PPP2R5E: variants seen among roughly 807,000 people sequenced by gnomAD.
The protein encoded by PPP2R5E is protein phosphatase 2 regulatory subunit B'epsilon.
Under a neutral mutation model 65.3 loss-of-function variants are expected in PPP2R5E, and 4 were observed. The ratio of observed to expected loss-of-function variants is 0.06; its 90% CI spans 0.03 to 0.14. The LOEUF (loss-of-function observed/expected upper bound fraction) is 0.14. PPP2R5E is among the 10% of genes least tolerant of loss of function. The pLI is 1.00. For missense variants in PPP2R5E, 274 were observed against 556.1 expected, an observed-to-expected ratio of 0.49 and a Z score of 5.10; for synonymous variants, 183 against 187.4, an observed-to-expected ratio of 0.98 and a Z score of 0.19.
intron 2 of PPP2R5E, among the ~76,000 whole-genome samples, chr14:63,522,373 G>A (rs1404617799): frequency 6.6e-6 from 1 of 151,194 alleles, no homozygotes; most frequent in Non-Finnish European, 1.5e-5. Flanking sequence ...CACCCCGTCT[G>A]GGAAGTGAGG....
chr14:63,539,485 A>C lies in PPP2R5E; in HGVS notation c.157+44T>G, dbSNP rs892183205. 12 of 1,583,928 alleles carry C rather than the reference A, an allele frequency of 7.6e-6. 1 individual carries two copies. In the African/African-American group the frequency reaches 1.1e-4, roughly 14 times the overall value. ...AAAGGAAATTATATATAGATGTAGA[A>C]AGATCAATTGAAAAAGAATGCATCA... is the stretch of plus-strand genomic sequence containing the variant. On this transcript the variant is annotated intron_variant, in intron 2 of 13. Coordinates refer to ENST00000337537, the MANE Select transcript of PPP2R5E (RefSeq NM_006246.5).
chr14:63,538,635 C>A (rs1442877811), intron 2 of PPP2R5E, among the ~76,000 whole-genome samples: 4 of 151,534 alleles, frequency 2.6e-5, no homozygotes, highest in African/African-American at 9.7e-5. Context: ...ATTTAAAAAA[C>A]CAAAAAACTT....
At position 63,503,580 on chromosome 14, in the gene PPP2R5E, A is replaced by G. The variant is rs117776145; in HGVS notation, c.157+35949T>C. ...AACATAAGGCAAGCAGTAAGGGCAA[A>G]AAACACCACATTTATATCACATGTT... On this transcript the variant is annotated intron_variant, in intron 2 of 13. Transcript: ENST00000337537. Among the ~76,000 whole-genome samples, 147 of 152,334 alleles carry G rather than the reference A, an allele frequency of 9.6e-4. 4 individuals carry two copies. In the East Asian group the frequency reaches 0.022, roughly 23 times the overall value.
intron 2 of PPP2R5E, among the ~76,000 whole-genome samples, chr14:63,468,007 T>A (rs1328997698): frequency 2.0e-5 from 3 of 152,224 alleles, no homozygotes; most frequent in African/African-American, 7.2e-5. Flanking sequence ...CCCACAGAGT[T>A]TACTTAAGAA....
At chr14:63,507,876 C>T (rs1892284588) in intron 2 of PPP2R5E, among the ~76,000 whole-genome samples, 2 of 152,220 alleles carry the variant, frequency 1.3e-5, no homozygotes, top group Admixed American at 1.3e-4. Flanking sequence ...CCGCAACCGG[C>T]CCCAGCAAGG....
intron 2 of PPP2R5E, among the ~76,000 whole-genome samples, chr14:63,532,841 CTA>C (rs1278970022): frequency 2.0e-5 from 3 of 152,194 alleles, no homozygotes; most frequent in Admixed American, 1.3e-4. Flanking sequence ...CCTTAAAAGA[CTA>C]TTCTTTTTTG....
chr14:63,446,544 A>C (rs1308774311), intron 3 of PPP2R5E, among the ~76,000 whole-genome samples: 1 of 152,252 alleles, frequency 6.6e-6, no homozygotes, highest in Admixed American at 6.5e-5. Context: ...TGAAAACAAC[A>C]TTCGGCCGGG....
chr14:63,404,049 A>G (rs1885923084), intron 5 of PPP2R5E, among the ~76,000 whole-genome samples: 1 of 152,228 alleles, frequency 6.6e-6, no homozygotes. Flanking sequence ...ATATACAGAA[A>G]CAACTGGAAG....
At chr14:63,470,460 T>C (rs925920660) in intron 2 of PPP2R5E, among the ~76,000 whole-genome samples, 2 of 149,966 alleles carry the variant, frequency 1.3e-5, no homozygotes. Context: ...TTTCCATAAG[T>C]TTAAAAAAAA....
chr14:63,397,884 T>C (rs1218560333), intron 5 of PPP2R5E, among the ~76,000 whole-genome samples: 1 of 151,986 alleles, frequency 6.6e-6, no homozygotes, highest in Non-Finnish European at 1.5e-5. Flanking sequence ...CCTACCACCG[T>C]GCCCAGCTAA....
chr14:63,495,363 G>C (rs757012274), intron 2 of PPP2R5E, among the ~76,000 whole-genome samples: 5 of 148,236 alleles, frequency 3.4e-5, no homozygotes, highest in Non-Finnish European at 5.9e-5. Context: ...CTTGAGGTCA[G>C]GAGTTAAAGA....
At chr14:63,530,908 C>A (rs189588096) in intron 2 of PPP2R5E, among the ~76,000 whole-genome samples, 1 of 152,084 alleles carries the variant, frequency 6.6e-6, no homozygotes, top group Admixed American at 6.6e-5. Context: ...TGAGCCACCG[C>A]GCCTGGCCAA....
chr14:63,461,640 T>TAAAAAAAA (rs199591299), intron 2 of PPP2R5E, among the ~76,000 whole-genome samples: 24,025 of 138,844 alleles, frequency 0.17, 2,333 homozygotes, highest in African/African-American at 0.25. Context: ...CTACAAAATT[T>TAAAAAAAA]AAAAAAAAAA....
At chr14:63,500,167 C>G (rs1193320185) in intron 2 of PPP2R5E, among the ~76,000 whole-genome samples, 1 of 152,092 alleles carries the variant, frequency 6.6e-6, no homozygotes, top group African/African-American at 2.4e-5. Context: ...ATTGTCTCCC[C>G]TTTGATATTG....
At chr14:63,490,553 C>A (rs754845096) in intron 2 of PPP2R5E, among the ~76,000 whole-genome samples, 9 of 151,878 alleles carry the variant, frequency 5.9e-5, no homozygotes, top group Non-Finnish European at 1.3e-4. Context: ...AAAAAAACAA[C>A]CCCATTAAAA....
intron 3 of PPP2R5E, among the ~76,000 whole-genome samples, chr14:63,424,750 C>CAAAAAA (rs1171991957): frequency 1.2e-5 from 1 of 85,624 alleles, no homozygotes; most frequent in African/African-American, 4.2e-5. Flanking sequence ...GGCTCCATCT[C>CAAAAAA]AAAAAAAAAA....
chr14:63,441,891 CAGAGCA>C (rs1392838939), intron 3 of PPP2R5E, among the ~76,000 whole-genome samples: 1 of 141,340 alleles, frequency 7.1e-6, no homozygotes, highest in East Asian at 2.1e-4. Context: ...GCCTGGGCCA[CAGAGCA>C]AGACTCCGTC....
intron 2 of PPP2R5E, among the ~76,000 whole-genome samples, chr14:63,494,527 G>T (rs950969275): frequency 6.7e-6 from 1 of 149,102 alleles, no homozygotes; most frequent in Non-Finnish European, 1.5e-5. Context: ...GAGCCACCGC[G>T]CCCGGCTGTA....
chr14:63,444,604 C>T (rs1026802918), intron 3 of PPP2R5E, among the ~76,000 whole-genome samples: 7 of 150,400 alleles, frequency 4.7e-5, no homozygotes, highest in Non-Finnish European at 8.9e-5. Flanking sequence ...AAAACATTTT[C>T]GAGAAAAAAA....
Sources: allele counts gnomAD v4.1 joint callset (sites outside exome capture counted in the v4.1 genomes callset), GRCh38; gene constraint gnomAD v4.1.1; transcripts MANE v1.5; gene names NCBI Gene and HGNC (gene_info 2026-07-23, HGNC 2026-07-21).